The following CATSPERT variants were observed in gnomAD, a reference collection of about 807,000 sequenced individuals.
CATSPERT encodes catsper channel auxiliary subunit tau, also known as cation channel sperm-associated targeting subunit tau.
At chr2:201,586,449 T>C in the CATSPERT span, among the ~76,000 whole-genome samples, 1 of 152,094 alleles carries the variant, frequency 6.6e-6, no homozygotes, top group African/African-American at 2.4e-5. Context: ...ATTATAATTA[T>C]ATAAAATGTA....
the CATSPERT span, among the ~76,000 whole-genome samples, chr2:201,521,218 G>A: frequency 6.6e-6 from 1 of 152,142 alleles, no homozygotes; most frequent in East Asian, 1.9e-4. Flanking sequence ...AAAAATTGAA[G>A]CAGATAAAAC....
the CATSPERT span, among the ~76,000 whole-genome samples, chr2:201,503,860 T>C: frequency 0.29 from 43,667 of 152,046 alleles, 6,633 homozygotes; most frequent in Admixed American, 0.38. Flanking sequence ...GCATAGAAGG[T>C]TGTCTAGAGA....
chr2:201,609,851 T>C, the CATSPERT span, among the ~76,000 whole-genome samples: 1 of 151,934 alleles, frequency 6.6e-6, no homozygotes, highest in Non-Finnish European at 1.5e-5. Context: ...AGAGCAGAAG[T>C]AATTGAAATA....
At chr2:201,585,635 A>G in the CATSPERT span, among the ~76,000 whole-genome samples, 1 of 152,182 alleles carries the variant, frequency 6.6e-6, no homozygotes, top group African/African-American at 2.4e-5. Flanking sequence ...TACAAAAAAA[A>G]GAGACAATAA....
chr2:201,590,957 CT>C, the CATSPERT span, among the ~76,000 whole-genome samples: 1 of 151,862 alleles, frequency 6.6e-6, no homozygotes, highest in Non-Finnish European at 1.5e-5. Context: ...ATGGTAGTTT[CT>C]TTTGCTGTGC....
chr2:201,615,723 A>G, the CATSPERT span, among the ~76,000 whole-genome samples: 9 of 152,332 alleles, frequency 5.9e-5, no homozygotes, highest in South Asian at 1.0e-3. Flanking sequence ...GAACGGAAGG[A>G]GATAGAGACA....
the CATSPERT span, chr2:201,604,671 A>C: frequency 6.2e-7 from 1 of 1,604,020 alleles, no homozygotes; most frequent in South Asian, 1.1e-5. Context: ...CTTCACTATC[A>C]GACTCTTTAA....
the CATSPERT span, chr2:201,575,185 C>CCT: frequency 9.7e-7 from 1 of 1,032,242 alleles, no homozygotes; most frequent in Non-Finnish European, 1.4e-6. Context: ...AGAATAAAAA[C>CCT]ATGTAGGCTA....
At chr2:201,519,044 AGTT>A in the CATSPERT span, among the ~76,000 whole-genome samples, 1 of 152,182 alleles carries the variant, frequency 6.6e-6, no homozygotes, top group Non-Finnish European at 1.5e-5. Context: ...GAACAACCAC[AGTT>A]GTTGTTAGGT....
the CATSPERT span, among the ~76,000 whole-genome samples, chr2:201,596,382 A>C: frequency 6.6e-6 from 1 of 152,210 alleles, no homozygotes; most frequent in African/African-American, 2.4e-5. Context: ...TGATTAGAAC[A>C]CATGGACACA....
chr2:201,606,234 C>T, the CATSPERT span, among the ~76,000 whole-genome samples: 2 of 152,184 alleles, frequency 1.3e-5, no homozygotes, highest in Non-Finnish European at 2.9e-5. Flanking sequence ...TAATGATCAA[C>T]TCCAAGATGT....
At chr2:201,559,338 C>G in the CATSPERT span, among the ~76,000 whole-genome samples, 2 of 152,350 alleles carry the variant, frequency 1.3e-5, no homozygotes, top group African/African-American at 4.8e-5. Context: ...CATCCCAGAC[C>G]TGTGAAATGG....
the CATSPERT span, chr2:201,511,878 T>C: frequency 4.7e-5 from 7 of 149,338 alleles, no homozygotes; most frequent in Admixed American, 2.0e-4. Flanking sequence ...AAAAAACTCT[T>C]CTTTTAACTT....
At chr2:201,602,397 C>T in the CATSPERT span, among the ~76,000 whole-genome samples, 1 of 151,962 alleles carries the variant, frequency 6.6e-6, no homozygotes, top group Non-Finnish European at 1.5e-5. Flanking sequence ...CTTCAAAAAT[C>T]TCATTATACA....
At chr2:201,528,762 G>A in the CATSPERT span, among the ~76,000 whole-genome samples, 3 of 152,040 alleles carry the variant, frequency 2.0e-5, no homozygotes, top group African/African-American at 7.2e-5. Context: ...ACTTGAGGGT[G>A]GAAGGTAGAA....
the CATSPERT span, chr2:201,535,668 T>C: frequency 8.4e-7 from 1 of 1,190,816 alleles, no homozygotes; most frequent in Non-Finnish European, 1.0e-6. Flanking sequence ...GAAAGTTTTT[T>C]ATCCTCATTT....
chr2:201,575,263 G>A, the CATSPERT span: 7 of 1,563,206 alleles, frequency 4.5e-6, no homozygotes, highest in East Asian at 1.4e-4. Context: ...AACTTAGGAA[G>A]TTTCAGTAAA....
At chr2:201,581,906 A>C in the CATSPERT span, among the ~76,000 whole-genome samples, 1 of 152,038 alleles carries the variant, frequency 6.6e-6, no homozygotes, top group Non-Finnish European at 1.5e-5. Flanking sequence ...AAATTTTTAG[A>C]AACATTATGC....
the CATSPERT span, among the ~76,000 whole-genome samples, chr2:201,543,998 T>C: frequency 2.0e-4 from 31 of 152,122 alleles, 1 homozygote; most frequent in Admixed American, 2.0e-3. Context: ...CCTAATGCTA[T>C]CCCTCCCCAC....
Sources: allele counts gnomAD v4.1 joint callset (sites outside exome capture counted in the v4.1 genomes callset), GRCh38; gene constraint gnomAD v4.1.1; transcripts MANE v1.5; gene names NCBI Gene and HGNC (gene_info 2026-07-23, HGNC 2026-07-21).